The following PLXNA4 variants were observed in gnomAD, a reference collection of about 807,000 sequenced individuals.
PLXNA4 encodes the protein plexin-A4.
In PLXNA4, 44 loss-of-function variants were observed where a neutral mutation model predicts 191.8. The observed-to-expected ratio is 0.23, with a 90% CI of 0.18 to 0.29. The LOEUF (loss-of-function observed/expected upper bound fraction) is 0.29, where lower values mean the gene tolerates loss of function less well. Among genes scored for constraint, PLXNA4 ranks in the 10% least tolerant of loss-of-function variants. The pLI is 1.00. For synonymous variants in PLXNA4, 1,082 were observed against 1,009.5 expected, an observed-to-expected ratio of 1.07 and a Z score of -1.36; for missense variants, 1,800 against 2,488.8, an observed-to-expected ratio of 0.72 and a Z score of 5.89.
chr7:132,268,990 G>A (rs949603555), intron 4 of PLXNA4, among the ~76,000 whole-genome samples: 9 of 152,174 alleles, frequency 5.9e-5, no homozygotes, highest in African/African-American at 2.2e-4. Context: ...AAAAGTGGGG[G>A]CTATGTAAAA....
At chr7:132,493,013 G>C in intron 2 of PLXNA4, among the ~76,000 whole-genome samples, 1 of 152,200 alleles carries the variant, frequency 6.6e-6, no homozygotes, top group Admixed American at 6.5e-5. Context: ...ACCTGAAGCA[G>C]GGGGAGGGAG....
intron 3 of PLXNA4, among the ~76,000 whole-genome samples, chr7:132,448,104 T>C (rs1320696578): frequency 1.3e-5 from 2 of 152,242 alleles, no homozygotes; most frequent in African/African-American, 4.8e-5. Flanking sequence ...TACATTGGAC[T>C]ACTAGGTTCC....
chr7:132,377,527 C>T (rs1338699947), intron 3 of PLXNA4, among the ~76,000 whole-genome samples: 1 of 152,122 alleles, frequency 6.6e-6, no homozygotes, highest in African/African-American at 2.4e-5. Context: ...CAAGATGTGA[C>T]ATCCTCTCCC....
intron 3 of PLXNA4, among the ~76,000 whole-genome samples, chr7:132,387,982 GTC>G (rs1284285763): frequency 6.6e-6 from 1 of 152,094 alleles, no homozygotes; most frequent in African/African-American, 2.4e-5. Flanking sequence ...CCCGCGGCAT[GTC>G]TCTGCTTCTG....
intron 2 of PLXNA4, among the ~76,000 whole-genome samples, chr7:132,634,386 C>T (rs966472828): frequency 6.6e-6 from 1 of 152,024 alleles, no homozygotes; most frequent in Non-Finnish European, 1.5e-5. Flanking sequence ...TCTTTGGCCT[C>T]TCTGACATGG....
At chr7:132,261,333 G>A (rs1238128309) in intron 4 of PLXNA4, among the ~76,000 whole-genome samples, 2 of 152,202 alleles carry the variant, frequency 1.3e-5, no homozygotes, top group Non-Finnish European at 2.9e-5. Context: ...ATTTGGCAAC[G>A]GACACGAACT....
chr7:132,520,884 T>C (rs1447601823), intron 1 of PLXNA4, among the ~76,000 whole-genome samples: 2 of 151,558 alleles, frequency 1.3e-5, no homozygotes, highest in Non-Finnish European at 2.9e-5. Context: ...AGCAGGCTAT[T>C]TGGGGCTCAC....
chr7:132,457,218 G>A (rs1360206984), intron 3 of PLXNA4, among the ~76,000 whole-genome samples: 1 of 152,104 alleles, frequency 6.6e-6, no homozygotes, highest in East Asian at 1.9e-4. Context: ...CCAAACTGTA[G>A]CCTTATATTT....
chr7:132,301,865 T>G (rs1018761289), intron 3 of PLXNA4, among the ~76,000 whole-genome samples: 1 of 152,232 alleles, frequency 6.6e-6, no homozygotes, highest in Non-Finnish European at 1.5e-5. Context: ...TGTAAAATTT[T>G]TATGATGTTG....
chr7:132,563,166 C>CTCT (rs1801402852), intron 1 of PLXNA4, among the ~76,000 whole-genome samples: 1 of 87,440 alleles, frequency 1.1e-5, no homozygotes, highest in African/African-American at 3.9e-5. Flanking sequence ...CCTCCTCCTC[C>CTCT]TTCTCCTCCT....
chr7:132,615,866 TCCTCTCTCC>T (rs1357630649), intron 2 of PLXNA4, among the ~76,000 whole-genome samples: 1 of 145,538 alleles, frequency 6.9e-6, no homozygotes, highest in Non-Finnish European at 1.5e-5. Context: ...CTCTCCCCTC[TCCTCTCTCC>T]CCTCTCCCTT....
intron 3 of PLXNA4, among the ~76,000 whole-genome samples, chr7:132,372,137 T>G (rs115928427): frequency 0.012 from 1,776 of 152,288 alleles, 40 homozygotes; most frequent in African/African-American, 0.041. Flanking sequence ...TTGGGAAAGA[T>G]TTACATCACG....
intron 3 of PLXNA4, among the ~76,000 whole-genome samples, chr7:132,333,212 T>C (rs940865520): frequency 2.0e-5 from 3 of 152,138 alleles, no homozygotes; most frequent in Admixed American, 6.5e-5. Context: ...CGGCCATCCC[T>C]GTGTGTGGCT....
chr7:132,185,973 C>T (rs539720621), intron 15 of PLXNA4, among the ~76,000 whole-genome samples: 4 of 152,300 alleles, frequency 2.6e-5, no homozygotes, highest in Non-Finnish European at 5.9e-5. Flanking sequence ...CAGTTGCAAT[C>T]GTCCTGAGTC....
Position 132,184,849 on chromosome 7 carries a change from C to T in PLXNA4, c.3158+450G>A, listed in dbSNP as rs150606008. On this transcript the variant is annotated intron_variant, in intron 16 of 31. Coordinates refer to ENST00000321063, the MANE Select transcript of PLXNA4 (RefSeq NM_020911.2). Reference sequence around the variant, plus strand: ...AAAGAGGATAGGTATTTGGATGGGGCCTCCAGGCTCAGAACACAGCTTCCC... The same window carrying T: ...AAAGAGGATAGGTATTTGGATGGGGTCTCCAGGCTCAGAACACAGCTTCCC... Among the ~76,000 whole-genome samples the T allele has an allele frequency of 1.5e-3, 233 of 152,218 alleles. 1 individual carries two copies. The highest frequency in any genetic ancestry group is 5.2e-3 in the African/African-American group (218 of 41,538).
intron 3 of PLXNA4, 35 bp from the exon 4 acceptor site, chr7:132,298,257 A>G (rs1801179672): frequency 6.3e-7 from 1 of 1,593,434 alleles, no homozygotes; most frequent in East Asian, 2.2e-5. Flanking sequence ...AAGTGAGTTC[A>G]GATCCTGCAC....
At chr7:132,487,930 G>A (rs1585209556) in intron 3 of PLXNA4, among the ~76,000 whole-genome samples, 1 of 152,200 alleles carries the variant, frequency 6.6e-6, no homozygotes, top group Admixed American at 6.5e-5. Flanking sequence ...ATTCTTTGCA[G>A]GGAATTATGA....
chr7:132,221,896 T>C (rs142524736), intron 9 of PLXNA4, among the ~76,000 whole-genome samples: 8 of 152,314 alleles, frequency 5.3e-5, no homozygotes, highest in Non-Finnish European at 1.2e-4. Context: ...TCATGGGAGC[T>C]GAGACAAAGG....
At chr7:132,187,700 G>A in intron 14 of PLXNA4, 93 bp from the exon 15 acceptor site, 1 of 1,475,464 alleles carries the variant, frequency 6.8e-7, no homozygotes, top group Non-Finnish European at 9.0e-7. Context: ...CCCCCAAGCT[G>A]CCTTCTGGAA....
Sources: gnomAD v4.1 joint callset for allele counts (sites outside exome capture counted in the v4.1 genomes callset) on GRCh38, gnomAD v4.1.1 for gene constraint, MANE v1.5 for transcripts, NCBI Gene and HGNC (gene_info 2026-07-23, HGNC 2026-07-21) for gene names.